LYRM4: variants seen among roughly 807,000 people sequenced by gnomAD.
LYRM4 encodes LYR motif containing 4, also known as LYR motif-containing protein 4.
In LYRM4, 9 loss-of-function variants were observed where a neutral mutation model predicts 11.7. That is an observed-to-expected ratio of 0.77 (90% confidence interval 0.46 to 1.34). LYRM4 has a LOEUF of 1.34. LYRM4 is among the 40% of genes most tolerant of loss of function. LYRM4 has a pLI of 0.00. For synonymous variants in LYRM4, 42 were observed against 40.4 expected (o/e 1.04, Z -0.15); for missense variants, 133 against 112.5 (o/e 1.18, Z -0.82).
chr6:5,089,646 T>G, the LYRM4 span, among the ~76,000 whole-genome samples: 3 of 152,370 alleles, frequency 2.0e-5, no homozygotes, highest in South Asian at 6.2e-4. Context: ...TGATTCATTT[T>G]AAAAGAAACT....
chr6:5,172,538 G>A (rs1014635658), intron 2 of LYRM4, among the ~76,000 whole-genome samples: 1 of 152,134 alleles, frequency 6.6e-6, no homozygotes, highest in African/African-American at 2.4e-5. Context: ...CCCAGGGACT[G>A]AGCATCTCGT....
At chr6:5,066,025 A>C in the LYRM4 span, 1 of 348,414 alleles carries the variant, frequency 2.9e-6, no homozygotes, top group South Asian at 3.3e-5. Context: ...CATGTGAAAA[A>C]ATATATTACA....
At chr6:5,205,121 T>C (rs1290237304) in intron 2 of LYRM4, among the ~76,000 whole-genome samples, 1 of 152,248 alleles carries the variant, frequency 6.6e-6, no homozygotes, top group African/African-American at 2.4e-5. Context: ...AGGGACAGGA[T>C]GACTTATTAA....
At chr6:5,218,083 A>C (rs1762378078) in intron 1 of LYRM4, among the ~76,000 whole-genome samples, 1 of 151,918 alleles carries the variant, frequency 6.6e-6, no homozygotes, top group Non-Finnish European at 1.5e-5. Context: ...AATTAAAAAA[A>C]ATTTTGGGGG....
chr6:5,113,269 C>T (rs1191900325), intron 2 of LYRM4: 2 of 430,154 alleles, frequency 4.6e-6, no homozygotes, highest in African/African-American at 4.1e-5. Context: ...CCTGTCTCTA[C>T]TAAAAATATA....
chr6:5,135,863 T>C (rs9504350), intron 2 of LYRM4, among the ~76,000 whole-genome samples: 2,362 of 152,296 alleles, frequency 0.016, 36 homozygotes, highest in South Asian at 0.094. Context: ...CTCCAGAATC[T>C]TTTCATTTTC....
chr6:5,185,628 C>T (rs1760344762), intron 2 of LYRM4, among the ~76,000 whole-genome samples: 1 of 152,090 alleles, frequency 6.6e-6, no homozygotes, highest in South Asian at 2.1e-4. Context: ...GAGACAAGCC[C>T]ATAAGGAGGC....
chr6:5,175,168 C>A (rs1759647043), intron 2 of LYRM4, among the ~76,000 whole-genome samples: 1 of 152,190 alleles, frequency 6.6e-6, no homozygotes, highest in Non-Finnish European at 1.5e-5. Context: ...TTTATGAGTT[C>A]TGGGTCTTTC....
the LYRM4 span, among the ~76,000 whole-genome samples, chr6:5,055,976 C>G: frequency 6.6e-6 from 1 of 151,764 alleles, no homozygotes; most frequent in Non-Finnish European, 1.5e-5. This position sits in a 1 kb window ranked among gnomAD's most constrained non-coding sequence, Gnocchi z 4.5. Flanking sequence ...TTCTTTCTTT[C>G]TCTCTCTTTC....
At chr6:5,067,721 A>C in the LYRM4 span, among the ~76,000 whole-genome samples, 2 of 152,202 alleles carry the variant, frequency 1.3e-5, no homozygotes, top group Admixed American at 6.5e-5. Context: ...TTTTGGTGGA[A>C]AACTTTACAT....
At chr6:5,105,193 G>A (rs1267032111), downstream of LYRM4, 1 of 152,174 alleles carries the variant, frequency 6.6e-6, no homozygotes, top group Admixed American at 6.5e-5. Flanking sequence ...ATGTCTGAGG[G>A]GTGGCTGAAT....
intron 2 of LYRM4, among the ~76,000 whole-genome samples, chr6:5,148,519 G>GGGGCAGAGTTAGAACTC (rs1349462777): frequency 2.3e-5 from 1 of 43,000 alleles, no homozygotes. Flanking sequence ...GCTGGGCTGG[G>GGGGCAGAGTTAGAACTC]TATACGCCTT....
At chr6:5,098,104 G>A in the LYRM4 span, among the ~76,000 whole-genome samples, 1 of 152,180 alleles carries the variant, frequency 6.6e-6, no homozygotes, top group African/African-American at 2.4e-5. Flanking sequence ...GACTACAGGG[G>A]TGCACCACTG....
intron 2 of LYRM4, among the ~76,000 whole-genome samples, chr6:5,199,546 T>C (rs557375634): frequency 3.4e-4 from 52 of 152,220 alleles, no homozygotes; most frequent in Non-Finnish European, 7.1e-4. Flanking sequence ...AATAAAGCTG[T>C]TACACATGCT....
chr6:5,216,725 T>C lies in LYRM4; in HGVS notation c.100A>G (p.Arg34Gly). ...TCTCTGAAGGCATCTCTTATCCTCC[T>C]GACAGCATATGTTCTAAATGAATTC... ...SAYNYRTYAV[R>G]RIRDAFRENK... The change falls in exon 2 of 3, where the codon AGG becomes GGG. Residue 34 changes from arginine to glycine, a missense_variant. Transcript: ENST00000330636. 6.2e-7 allele frequency: 1 copy of C among 1,613,156 alleles called. No individual in the cohort carries two copies. Among genetic ancestry groups the C allele is most frequent in the Admixed American group, 1.7e-5 (1 of 60,012 alleles).
chr6:5,140,078 C>T (rs922840772), intron 2 of LYRM4, among the ~76,000 whole-genome samples: 2 of 151,658 alleles, frequency 1.3e-5, no homozygotes, highest in Non-Finnish European at 2.9e-5. Flanking sequence ...CCCCAAAATA[C>T]AAAAATTAGT....
the LYRM4 span, among the ~76,000 whole-genome samples, chr6:5,037,633 G>A: frequency 1.9e-3 from 97 of 50,508 alleles, no homozygotes; most frequent in South Asian, 3.9e-3. Flanking sequence ...CTGGCCGGGC[G>A]GGGGGCTGAT....
intron 1 of LYRM4, among the ~76,000 whole-genome samples, chr6:5,225,247 C>CAAAAAAA (rs35803077): frequency 3.9e-5 from 3 of 76,960 alleles, no homozygotes; most frequent in Admixed American, 1.5e-4. Flanking sequence ...GACTCCGAAT[C>CAAAAAAA]AAAAAAAAAA....
intron 2 of LYRM4, among the ~76,000 whole-genome samples, chr6:5,164,515 A>G (rs1758955174): frequency 6.6e-6 from 1 of 152,202 alleles, no homozygotes; most frequent in Admixed American, 6.5e-5. Context: ...CCTTTTATAG[A>G]AGGGAAAAAA....
Sources: gnomAD v4.1 joint callset for allele counts (sites outside exome capture counted in the v4.1 genomes callset) on GRCh38, gnomAD v4.1.1 for gene constraint, Gnocchi (gnomAD v3.1) non-coding constraint, MANE v1.5 for transcripts, NCBI Gene and HGNC (gene_info 2026-07-23, HGNC 2026-07-21) for gene names.